Variants in SPOP observed in about 807,000 individuals in gnomAD.
SPOP encodes the protein speckle-type POZ protein.
A neutral mutation model predicts 45.6 loss-of-function variants in SPOP; 11 were observed. That is an observed-to-expected ratio of 0.24 (90% CI 0.15 to 0.40). The LOEUF (loss-of-function observed/expected upper bound fraction) is 0.40. Ranked by LOEUF, SPOP falls within the 10% of genes least tolerant of loss-of-function variation. The probability of loss-of-function intolerance (pLI) is 1.00; values close to 1 mark genes in which losing one functional copy is unlikely to be tolerated. For missense variants in SPOP, 152 were observed against 465.6 expected, an observed-to-expected ratio of 0.33 and a Z score of 6.20; for synonymous variants, 166 against 166.3, an observed-to-expected ratio of 1.00 and a Z score of 0.01.
intron 1 of SPOP, among the ~76,000 whole-genome samples, chr17:49,646,946 C>A (rs1397421355): frequency 6.6e-6 from 1 of 152,076 alleles, no homozygotes; most frequent in Non-Finnish European, 1.5e-5. Flanking sequence ...TACTTATATT[C>A]TCTAGCTTTC....
Position 49,617,845 on chromosome 17 carries a change from A to C in SPOP, c.480+1136T>G, listed in dbSNP as rs911785912. 6.6e-5 allele frequency among the ~76,000 whole-genome samples: 10 copies of C among 151,262 alleles called. No homozygotes were observed. The East Asian group carries it at 1.6e-3, about 24-fold the overall frequency. The stretch of plus-strand genomic sequence containing the variant: ...AGGCTAAGGCAGGAGAATCACTTGA[A>C]TCTGGGAGGCAGAGGTTGCAGTGAG... On this transcript the variant is annotated intron_variant, in intron 5 of 9. Transcript: ENST00000504102.
At chr17:49,675,442 G>A (rs1178205105) in intron 1 of SPOP, among the ~76,000 whole-genome samples, 1 of 152,152 alleles carries the variant, frequency 6.6e-6, no homozygotes, top group East Asian at 1.9e-4. Flanking sequence ...GCTTGTAAAA[G>A]GATATACTGT....
chr17:49,620,013 GA>G (rs1348933167), intron 3 of SPOP, among the ~76,000 whole-genome samples: 2 of 151,910 alleles, frequency 1.3e-5, no homozygotes, highest in East Asian at 1.9e-4. Flanking sequence ...AAAAAATAAA[GA>G]AAAAAACTAG....
intron 5 of SPOP, among the ~76,000 whole-genome samples, chr17:49,616,718 A>C (rs2072094364): frequency 6.6e-6 from 1 of 152,234 alleles, no homozygotes; most frequent in African/African-American, 2.4e-5. Context: ...CTCACTAGGC[A>C]TAAGCCCAAG....
At chr17:49,643,256 C>A (rs2072692452) in intron 1 of SPOP, among the ~76,000 whole-genome samples, 1 of 152,162 alleles carries the variant, frequency 6.6e-6, no homozygotes, top group Non-Finnish European at 1.5e-5. Flanking sequence ...TGTAACACTT[C>A]AGGATTCCAA....
At chr17:49,622,531 A>G in intron 2 of SPOP, 1 of 587,608 alleles carries the variant, frequency 1.7e-6, no homozygotes, top group Non-Finnish European at 3.0e-6. Flanking sequence ...TTCAACCTCC[A>G]CTGAAAAACA....
At chr17:49,665,186 G>A (rs938614088) in intron 1 of SPOP, among the ~76,000 whole-genome samples, 1 of 152,050 alleles carries the variant, frequency 6.6e-6, no homozygotes, top group Admixed American at 6.6e-5. Context: ...ACTAAAAGTT[G>A]AATGGAAATT....
intron 1 of SPOP, among the ~76,000 whole-genome samples, chr17:49,660,024 C>A (rs531572747): frequency 4.3e-4 from 65 of 152,284 alleles, no homozygotes; most frequent in African/African-American, 1.1e-3. Flanking sequence ...ATCTCTTCTG[C>A]CACTAAGTCC....
chr17:49,661,839 C>A (rs1346756284), intron 1 of SPOP, among the ~76,000 whole-genome samples: 1 of 151,888 alleles, frequency 6.6e-6, no homozygotes, highest in Non-Finnish European at 1.5e-5. Flanking sequence ...CATTGAGAAA[C>A]CCCGCCTCTA....
chr17:49,654,441 C>T, intron 1 of SPOP, among the ~76,000 whole-genome samples: 1 of 152,172 alleles, frequency 6.6e-6, no homozygotes, highest in South Asian at 2.1e-4. Flanking sequence ...GTAGTAGATA[C>T]TGAATAAGTA....
At chr17:49,660,680 T>C (rs2072975274) in intron 1 of SPOP, among the ~76,000 whole-genome samples, 1 of 152,204 alleles carries the variant, frequency 6.6e-6, no homozygotes. Flanking sequence ...AATAATTTAT[T>C]CTGGCCAGGC....
Position 49,600,255 on chromosome 17 carries a change from C to T in SPOP, c.*123G>A. ...GTTTTAAAAGTCTGGGGCCACAATG[C>T]AGTCTCTTCCCCTCACAACAGAGTA... is the stretch of plus-strand genomic sequence containing the variant. On this transcript the variant is annotated 3_prime_UTR_variant, in exon 10 of 10. Coordinates refer to ENST00000504102, the MANE Select transcript of SPOP (RefSeq NM_001007228.2). The surrounding 1 kb of genome is among the most constrained non-coding windows in gnomAD (Gnocchi z 4.2). The T allele has an allele frequency of 2.3e-6, 3 of 1,288,362 alleles. No individual in the cohort carries two copies. In the South Asian group the frequency reaches 4.1e-5, roughly 17 times the overall value. The allele number at this position is 1,288,362 out of a possible 1,614,324, so 79.8% of individuals were successfully genotyped here.
At chr17:49,611,536 A>G in intron 5 of SPOP, 79 bp from the exon 6 acceptor site, 1 of 1,277,240 alleles carries the variant, frequency 7.8e-7, no homozygotes, top group Non-Finnish European at 1.1e-6. Flanking sequence ...CTTTTACCTA[A>G]CTGCTGTAGT....
chr17:49,603,651 C>G (rs961570818), intron 8 of SPOP, among the ~76,000 whole-genome samples: 2 of 152,180 alleles, frequency 1.3e-5, no homozygotes. Flanking sequence ...ATGTTTAGAT[C>G]ATTCCATGAA....
At chr17:49,637,474 C>A (rs1219499764) in intron 1 of SPOP, among the ~76,000 whole-genome samples, 1 of 152,076 alleles carries the variant, frequency 6.6e-6, no homozygotes, top group Admixed American at 6.5e-5. Flanking sequence ...CCTCAGCCTC[C>A]CAAGTAGGTG....
At chr17:49,670,206 G>A (rs999715645) in intron 1 of SPOP, among the ~76,000 whole-genome samples, 2 of 152,188 alleles carry the variant, frequency 1.3e-5, no homozygotes, top group Non-Finnish European at 2.9e-5. Flanking sequence ...GACAGCCCAA[G>A]CATTTCCTCA....
intron 1 of SPOP, among the ~76,000 whole-genome samples, chr17:49,668,998 G>T (rs780951798): frequency 1.3e-5 from 2 of 151,514 alleles, no homozygotes; most frequent in Non-Finnish European, 2.9e-5. Flanking sequence ...GGGTGGTATC[G>T]ATCTCCTGAC....
rs1441922674 is a variant in SPOP, at chr17:49,619,011, G to A, written c.450C>T (p.Leu150=). 6.2e-7 allele frequency: 1 copy of A among 1,614,080 alleles called. No individual in the cohort carries two copies. ...AGAAGAGGGTAAGCTTGTCATCAGG[G>A]AGAAGCCCGTTGGCCTCATCCAAAA... ...DFLLDEANGL[L]PDDKLTLFCE... Residue 150 remains leucine (L), a synonymous_variant, in exon 5 of 10, where the codon CTC becomes CTT. Coordinates refer to ENST00000504102, the MANE Select transcript of SPOP (RefSeq NM_001007228.2). This position sits in a 1 kb window ranked among gnomAD's most constrained non-coding sequence, Gnocchi z 4.9.
In SPOP at chr17:49,600,428, C is replaced by T. The variant is rs762651623; in HGVS notation, c.1075G>A (p.Ala359Thr). 6.2e-7 allele frequency: 1 copy of T among 1,614,140 alleles called. No homozygotes were observed. Among genetic ancestry groups the T allele is most frequent in the South Asian group, 1.1e-5 (1 of 91,078 alleles). Residue 359 changes from alanine to threonine, a missense_variant, in exon 10 of 10, where the codon GCA becomes ACA. By Grantham distance (58) the Ala-to-Thr change is moderately conservative. Coordinates refer to ENST00000504102, the MANE Select transcript of SPOP (RefSeq NM_001007228.2). The surrounding 1 kb of genome is among the most constrained non-coding windows in gnomAD (Gnocchi z 4.2). Reference sequence around the variant, plus strand: ...GGGGGTCCCAGAAAAGGGCACTGTGCTGAAGCCAGAGAGCGGTATGCCTCA... The same window carrying T: ...GGGGGTCCCAGAAAAGGGCACTGTGTTGAAGCCAGAGAGCGGTATGCCTCA... ...VAEAYRSLAS[A>T]QCPFLGPPRK... is the part of the protein sequence containing the mutation.
Sources: allele counts gnomAD v4.1 joint callset (sites outside exome capture counted in the v4.1 genomes callset), GRCh38; gene constraint gnomAD v4.1.1; non-coding constraint Gnocchi (gnomAD v3.1); transcripts MANE v1.5; gene names NCBI Gene and HGNC (gene_info 2026-07-23, HGNC 2026-07-21).